Variants in ST3GAL6 observed in about 807,000 individuals in gnomAD.
The protein encoded by ST3GAL6 is type 2 lactosamine alpha-2,3-sialyltransferase.
Under a neutral mutation model 40.5 loss-of-function variants are expected in ST3GAL6, and 31 were observed. That is an observed-to-expected ratio of 0.77 (90% CI 0.58 to 1.03). The LOEUF is 1.03. Ranked by LOEUF, ST3GAL6 falls within the 50% of genes least tolerant of loss-of-function variation. ST3GAL6 has a pLI of 0.00. For synonymous variants in ST3GAL6, 129 were observed against 136.9 expected, an observed-to-expected ratio of 0.94 and a Z score of 0.40; for missense variants, 357 against 393.2, an observed-to-expected ratio of 0.91 and a Z score of 0.78.
chr3:98,775,203 G>T (rs1939415957), intron 5 of ST3GAL6, among the ~76,000 whole-genome samples: 1 of 152,196 alleles, frequency 6.6e-6, no homozygotes, highest in Admixed American at 6.5e-5. Flanking sequence ...GTGGCCGGGT[G>T]CTGTGGCTGA....
intron 6 of ST3GAL6, among the ~76,000 whole-genome samples, chr3:98,786,537 C>T (rs1309414249): frequency 2.0e-5 from 3 of 152,180 alleles, no homozygotes; most frequent in East Asian, 1.9e-4. Context: ...GCAAGAAGCC[C>T]GGCTGGACTA....
At chr3:98,760,396 G>A (rs1487167389), upstream of ST3GAL6, among the ~76,000 whole-genome samples, 1 of 152,172 alleles carries the variant, frequency 6.6e-6, no homozygotes, top group Non-Finnish European at 1.5e-5. Context: ...TAACAGAGGT[G>A]TAAAATAGTT....
At chr3:98,735,115 C>A (rs1174696200) in intron 1 of ST3GAL6, among the ~76,000 whole-genome samples, 1 of 152,100 alleles carries the variant, frequency 6.6e-6, no homozygotes, top group East Asian at 1.9e-4. Flanking sequence ...TTCTCATATG[C>A]TATTTTATTT....
chr3:98,740,348 T>C (rs531869398), intron 1 of ST3GAL6, among the ~76,000 whole-genome samples: 2 of 152,012 alleles, frequency 1.3e-5, no homozygotes, highest in South Asian at 4.1e-4. Flanking sequence ...ATCAATGATT[T>C]TCATTATTTT....
chr3:98,768,439 C>T lies in ST3GAL6; in HGVS notation c.-2C>T, dbSNP rs1576086198. The T allele has an allele frequency of 6.2e-7, 1 of 1,613,426 alleles. No individual in the cohort carries two copies. The highest frequency in any genetic ancestry group is 8.5e-7 in the Non-Finnish European group (1 of 1,179,466). On this transcript the variant is annotated 5_prime_UTR_variant, in exon 2 of 10. Coordinates refer to ENST00000483910, the MANE Select transcript of ST3GAL6 (RefSeq NM_001323368.2). ...ATTCCTTGTGTTTCAGGTGAGCCAG[C>T]CATGAGAGGGTATCTTGTGGCCATA...
rs564570518 is a variant in ST3GAL6 at position 98,748,678 on chromosome 3, C to A, written c.-12+16146C>A. Among the ~76,000 whole-genome samples the A allele has an allele frequency of 2.0e-5, 3 of 152,272 alleles. No homozygotes were observed. In the South Asian group the frequency reaches 6.2e-4, roughly 32 times the overall value. On this transcript the variant is annotated intron_variant, in intron 1 of 9. Transcript: ENST00000265261. Reference sequence around the variant, plus strand: ...ACGGGGTTTTGCCATGTTGGCCAGGCTGGTCTCGAACTCCTGACCTCAGGT... The same window carrying A: ...ACGGGGTTTTGCCATGTTGGCCAGGATGGTCTCGAACTCCTGACCTCAGGT...
chr3:98,780,985 C>T (rs906193884), intron 5 of ST3GAL6, among the ~76,000 whole-genome samples: 2 of 152,196 alleles, frequency 1.3e-5, no homozygotes, highest in African/African-American at 4.8e-5. Flanking sequence ...AATCATTATA[C>T]TATATAGACA....
intron 3 of ST3GAL6, chr3:98,771,259 C>T (rs1938958486): frequency 3.5e-6 from 3 of 861,390 alleles, no homozygotes; most frequent in Admixed American, 6.1e-5. Context: ...TTTTATTTTT[C>T]CCCCTTGTTG....
intron 1 of ST3GAL6, among the ~76,000 whole-genome samples, chr3:98,768,057 AATAG>A (rs1166844321): frequency 1.3e-5 from 2 of 152,238 alleles, no homozygotes; most frequent in Admixed American, 6.5e-5. Context: ...TGAGAGAGAA[AATAG>A]ATAGGTTTTA....
chr3:98,734,001 A>C lies in ST3GAL6; in HGVS notation c.-12+1469A>C, dbSNP rs1275167212. 2.6e-5 allele frequency among the ~76,000 whole-genome samples: 4 copies of C among 152,294 alleles called. No homozygotes were observed. In the East Asian group the frequency reaches 7.7e-4, roughly 29 times the overall value. On this transcript the variant is annotated intron_variant, in intron 1 of 9. Coordinates refer to the ST3GAL6 transcript ENST00000265261. ...AGCTGGGTGCTGTGAGTAGGTGGAT[A>C]GTTAAGGAAACTGTAGATCTGCTGA...
intron 1 of ST3GAL6, chr3:98,732,953 C>G (rs1187815510): frequency 1.1e-5 from 17 of 1,507,824 alleles, no homozygotes; most frequent in Non-Finnish European, 1.5e-5. Flanking sequence ...GGTCGTCGCT[C>G]CTGGGCCTCG....
At chr3:98,779,885 TA>T (rs1364581203) in intron 5 of ST3GAL6, among the ~76,000 whole-genome samples, 14 of 152,314 alleles carry the variant, frequency 9.2e-5, no homozygotes, top group Non-Finnish European at 1.8e-4. Flanking sequence ...AACTGAATTC[TA>T]AAATGCACAG....
At chr3:98,733,916 T>C (rs1935292964) in intron 1 of ST3GAL6, among the ~76,000 whole-genome samples, 1 of 152,172 alleles carries the variant, frequency 6.6e-6, no homozygotes, top group African/African-American at 2.4e-5. Context: ...TGGTGACTGC[T>C]AGTGTATCAG....
At chr3:98,756,182 T>C (rs1411774924) in intron 1 of ST3GAL6, among the ~76,000 whole-genome samples, 2 of 152,226 alleles carry the variant, frequency 1.3e-5, no homozygotes, top group Admixed American at 6.5e-5. Context: ...TAATGTAATA[T>C]GTACTGTTGG....
chr3:98,769,884 A>AT (rs1422501704), intron 2 of ST3GAL6, among the ~76,000 whole-genome samples: 2 of 152,130 alleles, frequency 1.3e-5, no homozygotes, highest in Non-Finnish European at 2.9e-5. Context: ...TATAATTGAG[A>AT]TTTTTTGGTC....
intron 5 of ST3GAL6, among the ~76,000 whole-genome samples, chr3:98,776,211 T>C (rs1423481839): frequency 2.0e-5 from 3 of 152,216 alleles, no homozygotes; most frequent in African/African-American, 7.2e-5. Flanking sequence ...ATGTGCCCAA[T>C]GTACAACACA....
chr3:98,735,997 C>T (rs1313339350), intron 1 of ST3GAL6, among the ~76,000 whole-genome samples: 3 of 152,186 alleles, frequency 2.0e-5, no homozygotes, highest in Non-Finnish European at 1.5e-5. Context: ...TGCTGAGATT[C>T]TGGCAGTGAG....
At chr3:98,775,760 G>A (rs1212808427) in intron 5 of ST3GAL6, among the ~76,000 whole-genome samples, 1 of 151,950 alleles carries the variant, frequency 6.6e-6, no homozygotes, top group Non-Finnish European at 1.5e-5. Flanking sequence ...CTTTCCTCCT[G>A]TCACCAGAAT....
At chr3:98,754,100 CATAG>C (rs1323970377) in intron 1 of ST3GAL6, among the ~76,000 whole-genome samples, 1 of 152,154 alleles carries the variant, frequency 6.6e-6, no homozygotes, top group East Asian at 1.9e-4. Context: ...CTAGGTGTCA[CATAG>C]ATAGTGTGTC....
Sources: allele counts gnomAD v4.1 joint callset (sites outside exome capture counted in the v4.1 genomes callset), GRCh38; gene constraint gnomAD v4.1.1; transcripts MANE v1.5; gene names NCBI Gene and HGNC (gene_info 2026-07-23, HGNC 2026-07-21).